Variants in AP3B1 observed in about 807,000 individuals in gnomAD.
AP3B1 encodes AP-3 complex subunit beta-1.
Under a neutral mutation model 132.5 loss-of-function variants are expected in AP3B1, and 61 were observed. The observed-to-expected ratio is 0.46, with a 90% CI of 0.37 to 0.57. The LOEUF is 0.57. Among genes scored for constraint, AP3B1 ranks in the 20% least tolerant of loss-of-function variants. AP3B1 has a pLI of 0.00. For missense variants in AP3B1, 1,120 were observed against 1,289.4 expected (o/e 0.87, Z 2.01); for synonymous variants, 388 against 438.3 (o/e 0.89, Z 1.43).
At chr5:78,178,361 G>A (rs553532405) in intron 8 of AP3B1, among the ~76,000 whole-genome samples, 10 of 152,228 alleles carry the variant, frequency 6.6e-5, no homozygotes, top group South Asian at 6.2e-4. Context: ...AGTGGCTCAC[G>A]CCTGTACTCC....
At chr5:78,123,732 AC>A (rs1752334948) in intron 17 of AP3B1, among the ~76,000 whole-genome samples, 1 of 151,814 alleles carries the variant, frequency 6.6e-6, no homozygotes, top group South Asian at 2.1e-4. Context: ...AAATAGGAAC[AC>A]TTTTACACTG....
intron 2 of AP3B1, among the ~76,000 whole-genome samples, chr5:78,257,494 T>G (rs1006959246): frequency 1.3e-5 from 2 of 152,106 alleles, no homozygotes; most frequent in Non-Finnish European, 2.9e-5. Context: ...GTGAAAACTA[T>G]AAAACACTGA....
At chr5:78,280,884 T>A (rs1316051102) in intron 1 of AP3B1, among the ~76,000 whole-genome samples, 1 of 152,194 alleles carries the variant, frequency 6.6e-6, no homozygotes, top group African/African-American at 2.4e-5. Context: ...GTTCTAGACA[T>A]CTGTAGCACA....
At chr5:78,007,827 T>C (rs1746461345) in intron 26 of AP3B1, among the ~76,000 whole-genome samples, 1 of 152,302 alleles carries the variant, frequency 6.6e-6, no homozygotes, top group East Asian at 1.9e-4. Context: ...ATTGAATTAA[T>C]AGTGAAGGAC....
At chr5:78,103,340 C>T (rs1751204263) in intron 20 of AP3B1, among the ~76,000 whole-genome samples, 1 of 152,144 alleles carries the variant, frequency 6.6e-6, no homozygotes, top group South Asian at 2.1e-4. Context: ...ATTTTTCTTG[C>T]TCAATGCATA....
chr5:78,219,895 A>C (rs939367347), intron 6 of AP3B1, among the ~76,000 whole-genome samples: 7 of 152,150 alleles, frequency 4.6e-5, no homozygotes, highest in African/African-American at 1.7e-4. Context: ...CAGCAACACC[A>C]ATGTCATCAT....
intron 22 of AP3B1, among the ~76,000 whole-genome samples, chr5:78,072,097 A>G (rs2112164507): frequency 6.6e-6 from 1 of 152,328 alleles, no homozygotes; most frequent in African/African-American, 2.4e-5. Flanking sequence ...AAATTTTCAA[A>G]TGTATACAGG....
chr5:78,112,227 T>G (rs917268453), intron 19 of AP3B1, among the ~76,000 whole-genome samples: 2 of 152,200 alleles, frequency 1.3e-5, no homozygotes, highest in Non-Finnish European at 1.5e-5. Context: ...GAAATATGAT[T>G]GCTATTTATT....
chr5:78,241,513 G>A (rs1353344405), intron 2 of AP3B1, among the ~76,000 whole-genome samples: 1 of 152,136 alleles, frequency 6.6e-6, no homozygotes, highest in Admixed American at 6.5e-5. Context: ...TTGAGAGAGG[G>A]ATGAATGTTA....
In AP3B1 at chr5:78,262,037, G is replaced by C. The variant is rs549895268; in HGVS notation, c.204+5483C>G. On this transcript the variant is annotated intron_variant, in intron 2 of 26. Transcript: ENST00000255194. ...GCCCACCTCGACCTCCCAAAGTGCT[G>C]GGATTACAGGCGTGAGCCACCACAC... 1.0e-3 allele frequency among the ~76,000 whole-genome samples: 153 copies of C among 152,314 alleles called. 1 individual carries two copies. Among genetic ancestry groups the C allele is most frequent in the South Asian group, 7.0e-3 (34 of 4,826 alleles).
chr5:78,175,787 T>C lies in AP3B1; in HGVS notation c.1092A>G (p.Arg364=). 1 of 1,612,246 alleles carries C rather than the reference T, an allele frequency of 6.2e-7. No homozygotes were observed. Among genetic ancestry groups the C allele is most frequent in the Non-Finnish European group, 8.5e-7 (1 of 1,178,804 alleles). Residue 364 remains arginine (R), a synonymous_variant, in exon 10 of 27, where the codon AGA becomes AGG. Transcript: ENST00000255194. ...TACGTGTTCAGAACATACATACCTT[T>C]CTTTGAATTGACATAGTTGCTATAT... is the stretch of plus-strand genomic sequence containing the variant. ...LQNIATMSIQ[R]KGMFEPYLKS...
intron 1 of AP3B1, among the ~76,000 whole-genome samples, chr5:78,276,712 A>C (rs10067151): frequency 0.21 from 32,291 of 151,832 alleles, 4,005 homozygotes; most frequent in Middle Eastern, 0.3. Flanking sequence ...CACAAAAAAA[A>C]CAAAAAATTA....
chr5:78,151,508 T>G (rs751632694), intron 14 of AP3B1, among the ~76,000 whole-genome samples: 6 of 152,132 alleles, frequency 3.9e-5, no homozygotes, highest in Non-Finnish European at 8.8e-5. Context: ...CATATGGCTT[T>G]TATTATATTG....
At chr5:78,156,734 T>C (rs911703288) in intron 13 of AP3B1, among the ~76,000 whole-genome samples, 3 of 152,286 alleles carry the variant, frequency 2.0e-5, no homozygotes, top group South Asian at 2.1e-4. Context: ...ATAAATTATA[T>C]AGTGGAAATC....
intron 24 of AP3B1, among the ~76,000 whole-genome samples, chr5:78,026,598 T>A (rs2112077718): frequency 6.6e-6 from 1 of 152,328 alleles, no homozygotes; most frequent in South Asian, 2.1e-4. Context: ...CATTTCCAAT[T>A]TTTCTCCATT....
At chr5:78,159,575 C>A (rs1743302047) in intron 13 of AP3B1, among the ~76,000 whole-genome samples, 1 of 152,186 alleles carries the variant, frequency 6.6e-6, no homozygotes, top group Non-Finnish European at 1.5e-5. Flanking sequence ...GACCTTCTGA[C>A]ATCTTCTGAC....
In AP3B1 at chr5:78,175,645, G is replaced by T. The variant is rs1213194319; in HGVS notation, c.1148C>A (p.Thr383Asn). The change falls in exon 11 of 27, where the codon ACT (threonine) becomes AAT (asparagine). Residue 383 changes from threonine (T) to asparagine (N), a missense_variant. Around this residue, in one of 3 missense-constraint regions of AP3B1, gnomAD observed 906 missense variants for 997.1 expected, o/e 0.91. Transcript: ENST00000255194. ...ACATACCTTCAGTGTCTTGATCATA[G>T]TTGGATCAGTTGACCTAACATAGAA... is the stretch of plus-strand genomic sequence containing the variant. ...KSFYVRSTDP[T>N]MIKTLKLEIL... is the part of the protein sequence containing the mutation. 1 of 1,613,210 alleles carries T rather than the reference G, an allele frequency of 6.2e-7. No individual in the cohort carries two copies. Among genetic ancestry groups the T allele is most frequent in the South Asian group, 1.1e-5 (1 of 91,052 alleles).
At chr5:78,156,477 C>T (rs2112357436) in intron 13 of AP3B1, 110 bp from the exon 14 acceptor site, 1 of 821,716 alleles carries the variant, frequency 1.2e-6, no homozygotes, top group Admixed American at 2.1e-5. Flanking sequence ...TAATACAAGC[C>T]TTAAAAGACT....
At chr5:78,215,601 C>T (rs1481794032) in intron 7 of AP3B1, among the ~76,000 whole-genome samples, 1 of 152,128 alleles carries the variant, frequency 6.6e-6, no homozygotes, top group East Asian at 1.9e-4. Flanking sequence ...AAAAGTTCAA[C>T]AATATTTATC....
Sources: allele counts gnomAD v4.1 joint callset (sites outside exome capture counted in the v4.1 genomes callset), GRCh38; gene constraint gnomAD v4.1.1; regional missense constraint gnomAD v4.1.1; transcripts MANE v1.5; gene names NCBI Gene and HGNC (gene_info 2026-07-23, HGNC 2026-07-21).